MYH10: variants seen among roughly 807,000 people sequenced by gnomAD.
The protein encoded by MYH10 is myosin-10.
MYH10 carries 55 observed loss-of-function variants against 257.8 expected under a neutral mutation model. That is an observed-to-expected ratio of 0.21 (90% CI 0.17 to 0.27). The LOEUF is 0.27. Among genes scored for constraint, MYH10 ranks in the 10% least tolerant of loss-of-function variants. The probability of loss-of-function intolerance (pLI) is 1.00; values close to 1 mark genes in which losing one functional copy is unlikely to be tolerated. For missense variants in MYH10, 1,631 were observed against 2,500.6 expected, an observed-to-expected ratio of 0.65 and a Z score of 7.42; for synonymous variants, 854 against 921.7, an observed-to-expected ratio of 0.93 and a Z score of 1.33.
In MYH10 at chr17:8,521,186, T is replaced by A. The variant is rs373512044; in HGVS notation, c.2057A>T (p.Gln686Leu). ...TKKGMFRTVG[Q>L]LYKESLTKLM... ...CTTGGTGAGAGATTCTTTGTAGAGT[T>A]GCCCAACGGTACGAAACATGCCCTT... The change falls in exon 18 of 43, where the codon CAA (glutamine) becomes CTA (leucine). Residue 686 changes from glutamine (Q) to leucine (L), a missense_variant. Coordinates refer to ENST00000360416, the MANE Select transcript of MYH10 (RefSeq NM_001256012.3). 6.2e-7 allele frequency: 1 copy of A among 1,614,118 alleles called. No individual in the cohort carries two copies. Among genetic ancestry groups the A allele is most frequent in the Non-Finnish European group, 8.5e-7 (1 of 1,180,050 alleles).
intron 14 of MYH10, among the ~76,000 whole-genome samples, chr17:8,536,843 T>C (rs927593624): frequency 4.1e-5 from 6 of 147,260 alleles, no homozygotes; most frequent in African/African-American, 7.5e-5. Context: ...AGACAGAGGG[T>C]AGATTAGTGG....
chr17:8,497,148 A>G (rs1160459730), intron 30 of MYH10, among the ~76,000 whole-genome samples: 1 of 152,076 alleles, frequency 6.6e-6, no homozygotes, highest in Non-Finnish European at 1.5e-5. Flanking sequence ...TTTGCTTTGT[A>G]TCTTTTCACT....
In MYH10 at chr17:8,491,193, C is replaced by T. The variant is rs1915715304; in HGVS notation, c.4672-641G>A. Among the ~76,000 whole-genome samples, 3 of 152,194 alleles carry T rather than the reference C, an allele frequency of 2.0e-5. No individual in the cohort carries two copies. In the South Asian group the frequency reaches 6.2e-4, roughly 31 times the overall value. ...GCACCCCCTCTGGGGTCCAGGACCACTGCAGTTCTCACGGGGACAGGCGCG... is the reference window on the plus strand; with the variant it reads ...GCACCCCCTCTGGGGTCCAGGACCATTGCAGTTCTCACGGGGACAGGCGCG... On this transcript the variant is annotated intron_variant, in intron 34 of 42. Transcript: ENST00000360416.
intron 3 of MYH10, among the ~76,000 whole-genome samples, chr17:8,602,977 C>A (rs772707043): frequency 3.9e-5 from 6 of 152,140 alleles, no homozygotes; most frequent in Non-Finnish European, 7.4e-5. Context: ...CCACATCTGC[C>A]TCATATCTTC....
chr17:8,592,529 C>A (rs1175676967), intron 3 of MYH10, among the ~76,000 whole-genome samples: 1 of 151,610 alleles, frequency 6.6e-6, no homozygotes, highest in Non-Finnish European at 1.5e-5. Context: ...GACTTTATGA[C>A]AAAATATTCA....
chr17:8,484,360 AGGCTGATCTCAAACTC>A, intron 36 of MYH10, 94 bp from the exon 37 acceptor site: 1 of 1,261,252 alleles, frequency 7.9e-7, no homozygotes, highest in Non-Finnish European at 1.1e-6. Flanking sequence ...TGTGTTGCCC[AGGCTGATCTCAAACTC>A]AAGGCCTCAA....
intron 29 of MYH10, among the ~76,000 whole-genome samples, chr17:8,500,536 G>A (rs977287938): frequency 7.2e-5 from 11 of 152,204 alleles, no homozygotes; most frequent in African/African-American, 2.7e-4. Flanking sequence ...GGGGTTTTGA[G>A]TGAAGCCACT....
At chr17:8,476,721 C>T (rs889988540) in intron 42 of MYH10, among the ~76,000 whole-genome samples, 155 bp downstream of exon 42, 16 of 152,242 alleles carry the variant, frequency 1.1e-4, no homozygotes, top group African/African-American at 3.6e-4. Flanking sequence ...CCAAGGACGA[C>T]TATAAAGGTC....
intron 33 of MYH10, 84 bp downstream of exon 33, chr17:8,492,692 A>G (rs3744653): frequency 0.42 from 619,865 of 1,485,580 alleles, 128,908 homozygotes; most frequent in African/African-American, 0.45. Flanking sequence ...TATCACATTT[A>G]AATGCCTTTA....
rs755499416 is a variant in MYH10 at position 8,576,638 on chromosome 17, C to T, written c.663+5G>A. ...AGACTAAGAAGCATAAAGAAGAGCA[C>T]TTGCCTGGTGTTTCACTGGTTTAGG... On this transcript the variant is annotated splice_donor_5th_base_variant and intron_variant, in intron 6 of 42. Coordinates refer to ENST00000360416, the MANE Select transcript of MYH10 (RefSeq NM_001256012.3). The T allele has an allele frequency of 1.9e-6, 3 of 1,550,516 alleles. No homozygotes were observed. Among genetic ancestry groups the T allele is most frequent in the East Asian group, 2.4e-5 (1 of 40,916 alleles).
rs1436875585 is a variant in MYH10 at position 8,474,557 on chromosome 17, G to GT, written c.*1246dup. ...ACTGATTCATTGTCACTGAATGTCT[G>GT]TAATACCACTTTGACTAGAGAGGTA... On this transcript the variant is annotated 3_prime_UTR_variant, in exon 43 of 43. Transcript: ENST00000360416. The GT allele has an allele frequency of 1.3e-5, 2 of 152,770 alleles. No homozygotes were observed. Among genetic ancestry groups the GT allele is most frequent in the African/African-American group, 4.8e-5 (2 of 41,590 alleles). 9.5% of individuals were successfully genotyped at this position (152,770 alleles called of 1,614,324 possible).
intron 21 of MYH10, among the ~76,000 whole-genome samples, chr17:8,516,384 G>A (rs1190849783): frequency 6.6e-6 from 1 of 152,126 alleles, no homozygotes; most frequent in Non-Finnish European, 1.5e-5. Context: ...CTTTTGAATA[G>A]GTTATCTTCT....
chr17:8,595,713 G>A (rs1035895126), intron 3 of MYH10, among the ~76,000 whole-genome samples: 2 of 152,120 alleles, frequency 1.3e-5, no homozygotes, highest in Non-Finnish European at 1.5e-5. Context: ...TTACAGGCAT[G>A]AGTCACCAAG....
chr17:8,618,695 A>G (rs983602504), intron 2 of MYH10, among the ~76,000 whole-genome samples: 2 of 152,214 alleles, frequency 1.3e-5, no homozygotes, highest in Non-Finnish European at 2.9e-5. Flanking sequence ...TACACACATC[A>G]TCTGGAGAAT....
intron 17 of MYH10, among the ~76,000 whole-genome samples, chr17:8,526,927 A>G (rs775902729): frequency 6.8e-4 from 103 of 152,254 alleles, no homozygotes; most frequent in Non-Finnish European, 1.1e-3. Flanking sequence ...TTCAACAGCC[A>G]GATGCTGATG....
chr17:8,577,424 TG>T, intron 4 of MYH10, 86 bp from the exon 5 acceptor site: 1 of 681,756 alleles, frequency 1.5e-6, no homozygotes, highest in Non-Finnish European at 2.5e-6. Context: ...TAAATTGTAT[TG>T]GAACAATAAT....
At position 8,500,908 on chromosome 17, in the gene MYH10, T is replaced by C. The variant is rs777929253; in HGVS notation, c.3662A>G (p.His1221Arg). Residue 1221 changes from histidine (H) to arginine (R), a missense_variant, in exon 29 of 43, where the codon CAT becomes CGT. His to Arg is a conservative substitution (Grantham distance 29). This residue lies in a region of MYH10 where 463 missense variants were observed against 621.8 expected (regional missense o/e 0.74). Coordinates refer to ENST00000360416, the MANE Select transcript of MYH10 (RefSeq NM_001256012.3). ...KKALEEETKNHEAQIQDMRQR... is the reference protein window; with the variant it reads ...KKALEEETKNREAQIQDMRQR... ...TCTCATGTCCTGGATTTGAGCTTCA[T>C]GGTTCTTAGTTTCCTCCTCAAGAGC... 3 of 1,614,100 alleles carry C rather than the reference T, an allele frequency of 1.9e-6. No individual in the cohort carries two copies. The highest frequency in any genetic ancestry group is 1.1e-5 in the South Asian group (1 of 91,094).
At chr17:8,598,298 G>A (rs2084462268) in intron 3 of MYH10, among the ~76,000 whole-genome samples, 1 of 152,116 alleles carries the variant, frequency 6.6e-6, no homozygotes, top group Admixed American at 6.5e-5. Flanking sequence ...TTTGCTTATG[G>A]TGTTCTATAT....
At chr17:8,503,206 C>A (rs745370345) in intron 28 of MYH10, among the ~76,000 whole-genome samples, 1 of 152,134 alleles carries the variant, frequency 6.6e-6, no homozygotes, top group African/African-American at 2.4e-5. Flanking sequence ...TCGTTTGAAC[C>A]CGGGAGGCGG....
Sources: gnomAD v4.1 joint callset for allele counts (sites outside exome capture counted in the v4.1 genomes callset) on GRCh38, gnomAD v4.1.1 for gene constraint, gnomAD v4.1.1 regional missense constraint, MANE v1.5 for transcripts, NCBI Gene and HGNC (gene_info 2026-07-23, HGNC 2026-07-21) for gene names.